EPC1: variants seen among roughly 807,000 people sequenced by gnomAD.
EPC1 encodes the protein enhancer of polycomb homolog 1.
Under a neutral mutation model 98.4 loss-of-function variants are expected in EPC1, and 12 were observed. The observed-to-expected ratio is 0.12, with a 90% CI of 0.08 to 0.20. EPC1 has a LOEUF of 0.20. Ranked by LOEUF, EPC1 falls within the 10% of genes least tolerant of loss-of-function variation. The pLI is 1.00. For synonymous variants in EPC1, 357 were observed against 363.9 expected (o/e 0.98, Z 0.21); for missense variants, 729 against 990.5 (o/e 0.74, Z 3.54).
At chr10:32,279,651 T>G (rs1441269203) in intron 10 of EPC1, among the ~76,000 whole-genome samples, 1 of 152,170 alleles carries the variant, frequency 6.6e-6, no homozygotes, top group Non-Finnish European at 1.5e-5. Flanking sequence ...TACTGGAAAT[T>G]AGGAATTCAC....
chr10:32,295,678 C>G (rs921186326), intron 2 of EPC1, among the ~76,000 whole-genome samples: 2 of 152,106 alleles, frequency 1.3e-5, no homozygotes, highest in African/African-American at 4.8e-5. Flanking sequence ...TCTATGTTGT[C>G]TAATATGGTA....
chr10:32,297,893 A>G (rs1023042620), intron 2 of EPC1, among the ~76,000 whole-genome samples: 56 of 151,988 alleles, frequency 3.7e-4, no homozygotes, highest in African/African-American at 1.3e-3. Context: ...CGCCTCCCGG[A>G]TTAACACCAT....
intron 2 of EPC1, among the ~76,000 whole-genome samples, chr10:32,296,803 A>G (rs943785385): frequency 2.6e-5 from 4 of 151,814 alleles, no homozygotes; most frequent in Non-Finnish European, 5.9e-5. Flanking sequence ...GCTACTCGGG[A>G]GGTTGAGGCA....
At chr10:32,281,932 A>C (rs1386644964) in intron 10 of EPC1, 1 of 152,042 alleles carries the variant, frequency 6.6e-6, no homozygotes, top group African/African-American at 2.4e-5. Flanking sequence ...CGGCCTCCCA[A>C]AGTACTGGGA....
In EPC1 at chr10:32,311,185, C is replaced by T. The variant is rs189567939; in HGVS notation, c.154-5254G>A. On this transcript the variant is annotated intron_variant, in intron 1 of 13. Coordinates refer to ENST00000319778, the MANE Select transcript of EPC1 (RefSeq NM_001272004.3). ...AAAATTAGCCGGGTGTGGTGGTGGGCGCCTGTAGTCCCAGCTACTAGGGAG... is the reference window on the plus strand; with the variant it reads ...AAAATTAGCCGGGTGTGGTGGTGGGTGCCTGTAGTCCCAGCTACTAGGGAG... Among the ~76,000 whole-genome samples, 770 of 151,412 alleles carry T rather than the reference C, an allele frequency of 5.1e-3. 7 individuals carry two copies. The highest frequency in any genetic ancestry group is 0.015 in the African/African-American group (620 of 41,226).
chr10:32,321,397 G>A (rs1836907165), intron 1 of EPC1, among the ~76,000 whole-genome samples: 1 of 152,060 alleles, frequency 6.6e-6, no homozygotes, highest in Middle Eastern at 3.4e-3. Flanking sequence ...CCAGGCTGGA[G>A]TGCAGTGGCT....
intron 1 of EPC1, among the ~76,000 whole-genome samples, chr10:32,329,955 A>C (rs1191177575): frequency 6.6e-6 from 1 of 152,158 alleles, no homozygotes; most frequent in African/African-American, 2.4e-5. Context: ...TACTAAACCA[A>C]CCCACAGGGG....
intron 2 of EPC1, among the ~76,000 whole-genome samples, chr10:32,295,246 T>A (rs1188960602): frequency 6.6e-6 from 1 of 152,102 alleles, no homozygotes; most frequent in African/African-American, 2.4e-5. Flanking sequence ...GTTACGTCTA[T>A]TAAAGTGGGG....
intron 1 of EPC1, among the ~76,000 whole-genome samples, chr10:32,354,266 C>A (rs757171154): frequency 6.6e-6 from 1 of 151,778 alleles, no homozygotes; most frequent in East Asian, 1.9e-4. Flanking sequence ...ACAACAACAA[C>A]AAAAAAGAAA....
chr10:32,328,124 G>A (rs1837414119), intron 1 of EPC1, among the ~76,000 whole-genome samples: 1 of 152,162 alleles, frequency 6.6e-6, no homozygotes, highest in African/African-American at 2.4e-5. Flanking sequence ...AAGGCTTTGA[G>A]CAACAAAGGA....
intron 6 of EPC1, among the ~76,000 whole-genome samples, chr10:32,288,321 T>C (rs1246856311): frequency 6.8e-6 from 1 of 147,622 alleles, no homozygotes; most frequent in Non-Finnish European, 1.5e-5. Flanking sequence ...TCTTTTTTTT[T>C]TTTTTTTTTT....
chr10:32,361,941 T>C (rs138373208), intron 1 of EPC1, among the ~76,000 whole-genome samples: 213 of 152,212 alleles, frequency 1.4e-3, no homozygotes, highest in African/African-American at 4.8e-3. Context: ...AAAACCAAGA[T>C]AGTGATGAGA....
intron 6 of EPC1, among the ~76,000 whole-genome samples, chr10:32,290,505 A>AAAAAAAAAAAAAG (rs1554819136): frequency 4.8e-4 from 37 of 77,508 alleles, no homozygotes; most frequent in Non-Finnish European, 6.3e-4. Flanking sequence ...AAAAAAAAAA[A>AAAAAAAAAAAAAG]AAAGAAAGAA....
rs370651824 is a variant in EPC1 at position 32,284,673 on chromosome 10, C to T, written c.1744+25G>A. 2.9e-4 allele frequency: 444 copies of T among 1,532,920 alleles called. 1 individual carries two copies. The highest frequency in any genetic ancestry group is 3.4e-4 in the Middle Eastern group (2 of 5,840). 95.0% of individuals were successfully genotyped at this position (1,532,920 alleles called of 1,614,324 possible). The stretch of plus-strand genomic sequence containing the variant: ...GTTGGACCTGACATTTCTATAGAAA[C>T]GTACATCATTAACAGTCAACATACC... On this transcript the variant is annotated intron_variant, in intron 10 of 13. Coordinates refer to ENST00000319778, the MANE Select transcript of EPC1 (RefSeq NM_001272004.3).
chr10:32,319,579 C>T (rs185836381), intron 1 of EPC1, among the ~76,000 whole-genome samples: 2 of 152,214 alleles, frequency 1.3e-5, no homozygotes, highest in East Asian at 3.9e-4. Context: ...GAGAAAACAT[C>T]AGACAAACCT....
intron 1 of EPC1, among the ~76,000 whole-genome samples, chr10:32,366,948 T>C (rs1839618903): frequency 6.6e-6 from 1 of 152,202 alleles, no homozygotes; most frequent in African/African-American, 2.4e-5. Flanking sequence ...TTTTCCACTC[T>C]TAACATCACT....
chr10:32,289,876 G>A (rs968244509), intron 6 of EPC1, among the ~76,000 whole-genome samples: 6 of 151,870 alleles, frequency 4.0e-5, no homozygotes, highest in African/African-American at 1.2e-4. Context: ...CGCCTGCCTC[G>A]GCTTCCCAGA....
intron 2 of EPC1, among the ~76,000 whole-genome samples, chr10:32,302,271 T>C (rs1835598389): frequency 6.6e-6 from 1 of 151,832 alleles, no homozygotes; most frequent in African/African-American, 2.4e-5. Context: ...CCAAGTCATA[T>C]ATCTGACAAA....
At chr10:32,345,709 G>T in intron 1 of EPC1, 1 of 820,360 alleles carries the variant, frequency 1.2e-6, no homozygotes, top group Non-Finnish European at 1.5e-6. Flanking sequence ...ATGGTAAAAT[G>T]TCTATTAGTT....
Sources: allele counts gnomAD v4.1 joint callset (sites outside exome capture counted in the v4.1 genomes callset), GRCh38; gene constraint gnomAD v4.1.1; transcripts MANE v1.5; gene names NCBI Gene and HGNC (gene_info 2026-07-23, HGNC 2026-07-21).